The following STK32B variants were observed in gnomAD, a reference collection of about 807,000 sequenced individuals.
STK32B encodes the protein serine/threonine-protein kinase 32B.
In STK32B, 43 loss-of-function variants were observed where a neutral mutation model predicts 52.6. The ratio of observed to expected loss-of-function variants is 0.82; its 90% confidence interval spans 0.64 to 1.05. The LOEUF is 1.05. Ranked by LOEUF, STK32B falls within the 50% of genes least tolerant of loss-of-function variation. STK32B has a pLI of 0.00. For synonymous variants in STK32B, 238 were observed against 204.3 expected (o/e 1.17, Z -1.41); for missense variants, 621 against 534.6 (o/e 1.16, Z -1.59).
chr4:5,410,441 T>C (rs1204190650), intron 5 of STK32B, among the ~76,000 whole-genome samples: 1 of 152,196 alleles, frequency 6.6e-6, no homozygotes, highest in African/African-American at 2.4e-5. Context: ...TTCCCTTTCA[T>C]CCTAACTCTT....
rs1717471054 is a variant in STK32B, at chr4:5,466,765, A to C, written c.972A>C (p.Pro324=). The change falls in exon 10 of 12, where the codon CCA becomes CCC. Residue 324 remains proline (P), a synonymous_variant. Coordinates refer to ENST00000282908, the MANE Select transcript of STK32B (RefSeq NM_018401.3). ...ELEEMILESK[P]LHKKKKRLAK... The stretch of plus-strand genomic sequence containing the variant: ...AAGAGATGATTCTAGAATCCAAGCC[A>C]CTTCACAAAAAGAAGAAGCGATTGG... 3 of 1,614,106 alleles carry C rather than the reference A, an allele frequency of 1.9e-6. No homozygotes were observed. The highest frequency in any genetic ancestry group is 2.7e-5 in the African/African-American group (2 of 75,048).
intron 6 of STK32B, among the ~76,000 whole-genome samples, chr4:5,443,375 C>T (rs1714988223): frequency 6.6e-6 from 1 of 152,002 alleles, no homozygotes; most frequent in Admixed American, 6.6e-5. Flanking sequence ...TTGCTGATAC[C>T]CTTTTTCCAG....
At chr4:5,427,201 C>G (rs1052441473) in intron 6 of STK32B, among the ~76,000 whole-genome samples, 1 of 152,188 alleles carries the variant, frequency 6.6e-6, no homozygotes, top group South Asian at 2.1e-4. Context: ...TGCTGACTGA[C>G]TTTGAAATGT....
intron 1 of STK32B, among the ~76,000 whole-genome samples, chr4:5,108,291 T>C (rs1714215938): frequency 1.3e-5 from 2 of 152,242 alleles, no homozygotes; most frequent in South Asian, 4.1e-4. Flanking sequence ...TTGGATTGTT[T>C]CCAGTTTGAG....
chr4:5,425,712 C>G (rs1481113493), intron 6 of STK32B, among the ~76,000 whole-genome samples: 1 of 152,128 alleles, frequency 6.6e-6, no homozygotes, highest in Non-Finnish European at 1.5e-5. Flanking sequence ...TCTCTGAATT[C>G]AGACAAACAC....
At chr4:5,296,066 G>T (rs79204423) in intron 3 of STK32B, among the ~76,000 whole-genome samples, 1 of 152,038 alleles carries the variant, frequency 6.6e-6, no homozygotes, top group South Asian at 2.1e-4. Flanking sequence ...CCATGTAGTC[G>T]TGTGGTTTTG....
At chr4:5,156,663 C>T (rs908195723) in intron 2 of STK32B, among the ~76,000 whole-genome samples, 1 of 152,170 alleles carries the variant, frequency 6.6e-6, no homozygotes, top group African/African-American at 2.4e-5. Context: ...TGGATTGGCA[C>T]GTGGGCCCTC....
intron 3 of STK32B, chr4:5,203,949 C>T (rs1354222777): frequency 1.3e-5 from 2 of 152,358 alleles, no homozygotes; most frequent in East Asian, 1.9e-4. Flanking sequence ...AGCTGTCTTG[C>T]ATTGAGGTAC....
intron 3 of STK32B, among the ~76,000 whole-genome samples, chr4:5,213,532 A>G (rs185110976): frequency 7.9e-4 from 121 of 152,378 alleles, no homozygotes; most frequent in Admixed American, 2.1e-3. Flanking sequence ...ATAGAGATCA[A>G]TCTATCACGT....
intron 2 of STK32B, among the ~76,000 whole-genome samples, chr4:5,149,259 A>G (rs1302610511): frequency 6.6e-6 from 1 of 151,792 alleles, no homozygotes; most frequent in African/African-American, 2.4e-5. Flanking sequence ...AGGACAGCGT[A>G]TAGTTAGGTC....
intron 3 of STK32B, among the ~76,000 whole-genome samples, chr4:5,277,602 G>A (rs1173786462): frequency 6.6e-6 from 1 of 152,140 alleles, no homozygotes; most frequent in Non-Finnish European, 1.5e-5. Flanking sequence ...CGGTTGTGAT[G>A]TGAAAATTAA....
rs566099667 is a variant in STK32B, at chr4:5,119,315, T to C, written c.53-20590T>C. On this transcript the variant is annotated intron_variant, in intron 1 of 11. Transcript: ENST00000282908. Reference sequence around the variant, plus strand: ...GACATTAGACAGGGGAAACTTGATATTCTCTTAGCTGGAAGGACTCAAGGA... The same window carrying C: ...GACATTAGACAGGGGAAACTTGATACTCTCTTAGCTGGAAGGACTCAAGGA... 2.6e-5 allele frequency among the ~76,000 whole-genome samples: 4 copies of C among 152,332 alleles called. No individual in the cohort carries two copies. In the South Asian group the frequency reaches 8.3e-4, roughly 32 times the overall value.
At chr4:5,291,671 C>G (rs1425393342) in intron 3 of STK32B, among the ~76,000 whole-genome samples, 2 of 152,114 alleles carry the variant, frequency 1.3e-5, no homozygotes, top group Non-Finnish European at 2.9e-5. Context: ...CTGACTATAG[C>G]TTCCAATACA....
At chr4:5,444,526 G>A (rs891696761) in intron 6 of STK32B, among the ~76,000 whole-genome samples, 16 of 152,132 alleles carry the variant, frequency 1.1e-4, no homozygotes, top group African/African-American at 2.9e-4. Context: ...AGATGAACCC[G>A]GTACCTCAGA....
intron 1 of STK32B, among the ~76,000 whole-genome samples, chr4:5,070,518 C>G (rs1323591666): frequency 1.3e-5 from 2 of 152,096 alleles, no homozygotes; most frequent in Non-Finnish European, 1.5e-5. Context: ...TGAATTGTGT[C>G]TTCCAAAATA....
At chr4:5,219,584 C>T (rs780888473) in intron 3 of STK32B, among the ~76,000 whole-genome samples, 18 of 152,222 alleles carry the variant, frequency 1.2e-4, no homozygotes, top group Admixed American at 2.6e-4. Context: ...TCAGGACAAT[C>T]GGCCCAACTT....
chr4:5,128,405 C>A (rs1482695158), intron 1 of STK32B, among the ~76,000 whole-genome samples: 1 of 152,132 alleles, frequency 6.6e-6, no homozygotes, highest in Non-Finnish European at 1.5e-5. Context: ...TCCTGAATTC[C>A]ACATTTCCAC....
intron 4 of STK32B, among the ~76,000 whole-genome samples, chr4:5,348,813 C>T (rs1420284951): frequency 6.6e-6 from 1 of 152,192 alleles, no homozygotes; most frequent in Non-Finnish European, 1.5e-5. Context: ...CTTCACCCCT[C>T]ACCAGTACCT....
intron 1 of STK32B, among the ~76,000 whole-genome samples, chr4:5,116,702 T>C (rs1376385684): frequency 1.3e-5 from 2 of 152,242 alleles, no homozygotes; most frequent in East Asian, 3.8e-4. Context: ...GGAATTTTGA[T>C]AGAAATTGCA....
Sources: gnomAD v4.1 joint callset for allele counts (sites outside exome capture counted in the v4.1 genomes callset) on GRCh38, gnomAD v4.1.1 for gene constraint, MANE v1.5 for transcripts, NCBI Gene and HGNC (gene_info 2026-07-23, HGNC 2026-07-21) for gene names.